TMTC3: variants seen among roughly 807,000 people sequenced by gnomAD.
TMTC3 encodes transmembrane O-mannosyltransferase targeting cadherins 3.
A neutral mutation model predicts 92.2 loss-of-function variants in TMTC3; 52 were observed. The observed-to-expected ratio is 0.56, with a 90% CI of 0.45 to 0.71. The LOEUF (loss-of-function observed/expected upper bound fraction) is 0.71, where lower values mean the gene tolerates loss of function less well. Among genes scored for constraint, TMTC3 ranks in the 30% least tolerant of loss-of-function variants. The pLI, the probability that TMTC3 is intolerant of heterozygous loss-of-function variation, is 0.00. For missense variants in TMTC3, 896 were observed against 1,057.1 expected (o/e 0.85, Z 2.11); for synonymous variants, 339 against 363.3 (o/e 0.93, Z 0.76).
intron 6 of TMTC3, among the ~76,000 whole-genome samples, chr12:88,161,595 A>G (rs1230249730): frequency 6.6e-6 from 1 of 151,794 alleles, no homozygotes; most frequent in Admixed American, 6.6e-5. Flanking sequence ...TCTTGATAAA[A>G]TTGTTTTCTC....
chr12:88,183,371 C>G (rs1312686994), intron 10 of TMTC3, among the ~76,000 whole-genome samples: 1 of 152,148 alleles, frequency 6.6e-6, no homozygotes, highest in African/African-American at 2.4e-5. Flanking sequence ...TTCATATACC[C>G]CATTGCCTTG....
chr12:88,160,367 G>T, intron 5 of TMTC3, 138 bp downstream of exon 5: 2 of 577,870 alleles, frequency 3.5e-6, no homozygotes, highest in Non-Finnish European at 2.8e-6. Flanking sequence ...CAGAAATCAT[G>T]TTTTATCCTC....
rs991359409 is a variant in TMTC3, at chr12:88,190,697, G to C, written c.1706+75G>C. ...CTCCATGTACATTTTGAATGAATTG[G>C]TTTTTTTTGAAAAAAAATTATGTTT... On this transcript the variant is annotated intron_variant, in intron 12 of 13. Transcript: ENST00000266712. 32 of 1,442,552 alleles carry C rather than the reference G, an allele frequency of 2.2e-5. No homozygotes were observed. The African/African-American group carries it at 3.7e-4, about 17-fold the overall frequency. The allele number at this position is 1,442,552 out of a possible 1,614,324, so 89.4% of individuals were successfully genotyped here. A position where few individuals can be genotyped will look rare whatever the true frequency, so the allele number is the denominator to read the frequency against.
intron 12 of TMTC3, among the ~76,000 whole-genome samples, chr12:88,192,188 AT>A (rs1173250224): frequency 6.6e-6 from 1 of 151,534 alleles, no homozygotes; most frequent in Non-Finnish European, 1.5e-5. Flanking sequence ...ACTATATGTC[AT>A]TTTTTTCTTC....
At chr12:88,184,271 C>T (rs766762874) in intron 10 of TMTC3, among the ~76,000 whole-genome samples, 3 of 151,986 alleles carry the variant, frequency 2.0e-5, no homozygotes, top group African/African-American at 7.2e-5. Flanking sequence ...TGAACATTGT[C>T]GACCCCCCAA....
Position 88,198,321 on chromosome 12 carries a change from A to C in TMTC3, c.*2672A>C, listed in dbSNP as rs78376175. ...GATCATATGGAAGTTTGGAAAAGAG[A>C]GCTTATCACAGGTTTGTATGCTGGT... On this transcript the variant is annotated 3_prime_UTR_variant, in exon 14 of 14. Transcript: ENST00000266712. 1 of 397,726 alleles carries C rather than the reference A, an allele frequency of 2.5e-6. No individual in the cohort carries two copies. The highest frequency in any genetic ancestry group is 4.4e-6 in the Non-Finnish European group (1 of 225,642). The allele number at this position is 397,726 out of a possible 1,614,324, so 24.6% of individuals were successfully genotyped here. A position where few individuals can be genotyped will look rare whatever the true frequency, so the allele number is the denominator to read the frequency against.
chr12:88,190,736 T>G, intron 12 of TMTC3, 114 bp downstream of exon 12: 2 of 1,164,204 alleles, frequency 1.7e-6, no homozygotes, highest in Non-Finnish European at 2.4e-6. Context: ...ATAATCTTAC[T>G]TAGCAACCAA....
At chr12:88,144,847 C>T (rs2040853194) in intron 1 of TMTC3, among the ~76,000 whole-genome samples, 1 of 152,150 alleles carries the variant, frequency 6.6e-6, no homozygotes. Context: ...TTCAATAACT[C>T]ACTGTATATT....
chr12:88,155,864 A>C (rs1003875095), intron 4 of TMTC3, among the ~76,000 whole-genome samples: 1 of 152,172 alleles, frequency 6.6e-6, no homozygotes, highest in South Asian at 2.1e-4. Context: ...TAATCCCAGC[A>C]CTTTGGGAGG....
chr12:88,178,353 CTTTA>C (rs1392981295), intron 10 of TMTC3, among the ~76,000 whole-genome samples: 1 of 152,018 alleles, frequency 6.6e-6, no homozygotes, highest in African/African-American at 2.4e-5. Context: ...ACTTCTTTGC[CTTTA>C]TTTTCTTCCT....
intron 7 of TMTC3, among the ~76,000 whole-genome samples, chr12:88,168,256 C>CT (rs1175060156): frequency 6.6e-6 from 1 of 152,258 alleles, no homozygotes; most frequent in East Asian, 1.9e-4. Context: ...TTCTTTTAGT[C>CT]TGTAGGTACT....
chr12:88,148,479 A>T lies in TMTC3; in HGVS notation c.164A>T (p.Asp55Val). 1 of 1,611,018 alleles carries T rather than the reference A, an allele frequency of 6.2e-7. No homozygotes were observed. Among genetic ancestry groups the T allele is most frequent in the Non-Finnish European group, 8.5e-7 (1 of 1,178,556 alleles). ...STPLKTLFQNDFWGTPMSEER... is the reference protein window; with the variant it reads ...STPLKTLFQNVFWGTPMSEER... ...CCTTTAAAAACTTTATTTCAAAATGACTTCTGGGGAACCCCTATGTCTGAG... is the reference window on the plus strand; with the variant it reads ...CCTTTAAAAACTTTATTTCAAAATGTCTTCTGGGGAACCCCTATGTCTGAG... Residue 55 changes from aspartate to valine, a missense_variant, in exon 2 of 14, where the codon GAC becomes GTC. Coordinates refer to ENST00000266712, the MANE Select transcript of TMTC3 (RefSeq NM_181783.4).
rs540461439 is a variant in TMTC3, at chr12:88,177,662, C to A, written c.1432+1343C>A. 2.0e-5 allele frequency among the ~76,000 whole-genome samples: 3 copies of A among 152,264 alleles called. No homozygotes were observed. In the East Asian group the frequency reaches 5.8e-4, roughly 29 times the overall value. ...GCAGAACTGTATTACAGGATATGTA[C>A]TAGACATGGCCCCCCATCCACCAAA... On this transcript the variant is annotated intron_variant, in intron 10 of 13. Coordinates refer to ENST00000266712, the MANE Select transcript of TMTC3 (RefSeq NM_181783.4).
intron 7 of TMTC3, among the ~76,000 whole-genome samples, chr12:88,168,352 G>T (rs1054934490): frequency 5.0e-5 from 7 of 141,332 alleles, no homozygotes; most frequent in African/African-American, 1.8e-4. Flanking sequence ...ATTTAACTTT[G>T]ACTGTTTCAA....
At chr12:88,174,259 CAATT>C (rs755345890) in intron 8 of TMTC3, among the ~76,000 whole-genome samples, 15 of 152,088 alleles carry the variant, frequency 9.9e-5, no homozygotes, top group African/African-American at 2.9e-4. Flanking sequence ...TTTCTAAACT[CAATT>C]AAGAATACTC....
At chr12:88,177,843 T>A (rs564222774) in intron 10 of TMTC3, among the ~76,000 whole-genome samples, 1 of 152,140 alleles carries the variant, frequency 6.6e-6, no homozygotes, top group East Asian at 1.9e-4. Context: ...AGAAAGGAGG[T>A]GAAAATCATT....
chr12:88,162,123 A>C (rs972651893), intron 6 of TMTC3, among the ~76,000 whole-genome samples: 13 of 152,098 alleles, frequency 8.5e-5, no homozygotes, highest in Admixed American at 6.5e-5. Context: ...AGAATTCTAC[A>C]CTGGCTTTTT....
chr12:88,193,620 T>G (rs1257624343), intron 13 of TMTC3, among the ~76,000 whole-genome samples: 1 of 152,156 alleles, frequency 6.6e-6, no homozygotes, highest in Non-Finnish European at 1.5e-5. Context: ...AAATAGATTT[T>G]ATGACTGCCC....
intron 10 of TMTC3, 127 bp from the exon 11 acceptor site, chr12:88,188,716 G>GA: frequency 1.9e-6 from 1 of 515,376 alleles, no homozygotes; most frequent in South Asian, 3.7e-5. Flanking sequence ...TTTGTTTCTG[G>GA]AAATATGTCT....
Sources: gnomAD v4.1 joint callset for allele counts (sites outside exome capture counted in the v4.1 genomes callset) on GRCh38, gnomAD v4.1.1 for gene constraint, MANE v1.5 for transcripts, NCBI Gene and HGNC (gene_info 2026-07-23, HGNC 2026-07-21) for gene names.